TLE4: variants seen among roughly 807,000 people sequenced by gnomAD.
TLE4 encodes transducin-like enhancer protein 4.
Under a neutral mutation model 92.8 loss-of-function variants are expected in TLE4, and 8 were observed. That is an observed-to-expected ratio of 0.09 (90% CI 0.05 to 0.16). TLE4 has a LOEUF of 0.16. Among genes scored for constraint, TLE4 ranks in the 10% least tolerant of loss-of-function variants. TLE4 has a pLI of 1.00. For synonymous variants in TLE4, 371 were observed against 374.1 expected, an observed-to-expected ratio of 0.99 and a Z score of 0.10; for missense variants, 675 against 997.6, an observed-to-expected ratio of 0.68 and a Z score of 4.36.
intron 8 of TLE4, among the ~76,000 whole-genome samples, chr9:79,656,180 G>A (rs2059750974): frequency 6.6e-6 from 1 of 152,156 alleles, no homozygotes. Flanking sequence ...TTCTGAATGT[G>A]TTCTGTGATG....
chr9:79,614,467 A>G (rs1444499639), intron 5 of TLE4, among the ~76,000 whole-genome samples: 4 of 152,146 alleles, frequency 2.6e-5, no homozygotes, highest in Non-Finnish European at 5.9e-5. Context: ...TGGGAACAGA[A>G]TGTATAATGG....
At chr9:79,624,750 T>C (rs2052041814) in intron 5 of TLE4, among the ~76,000 whole-genome samples, 1 of 152,222 alleles carries the variant, frequency 6.6e-6, no homozygotes, top group Non-Finnish European at 1.5e-5. Flanking sequence ...ATCTAGTTCA[T>C]GAAGTAAGTG....
chr9:79,614,355 T>C (rs2049020468), intron 5 of TLE4, among the ~76,000 whole-genome samples: 2 of 152,150 alleles, frequency 1.3e-5, no homozygotes. Flanking sequence ...ATCTGTGGGT[T>C]GTGTTCAGAA....
chr9:79,620,912 A>G (rs1246984372), intron 5 of TLE4, among the ~76,000 whole-genome samples: 1 of 152,058 alleles, frequency 6.6e-6, no homozygotes, highest in Admixed American at 6.6e-5. Context: ...GGGAGGTGTC[A>G]TACACTTTTT....
At chr9:79,660,401 G>T (rs1231588611) in intron 8 of TLE4, among the ~76,000 whole-genome samples, 1 of 152,216 alleles carries the variant, frequency 6.6e-6, no homozygotes, top group Admixed American at 6.5e-5. Context: ...AAACACAGTG[G>T]TTAGAAGTGA....
chr9:79,593,099 A>G (rs1304975530), intron 4 of TLE4, among the ~76,000 whole-genome samples: 1 of 152,188 alleles, frequency 6.6e-6, no homozygotes, highest in Non-Finnish European at 1.5e-5. Flanking sequence ...TTGAATGAGA[A>G]CAGCAGTGAT....
chr9:79,632,198 C>T (rs1257653864), intron 6 of TLE4, among the ~76,000 whole-genome samples: 1 of 152,132 alleles, frequency 6.6e-6, no homozygotes, highest in Non-Finnish European at 1.5e-5. Flanking sequence ...GCAGGAATTA[C>T]AGCTGCATTG....
chr9:79,628,609 C>A (rs1348430112), intron 6 of TLE4, among the ~76,000 whole-genome samples: 1 of 151,172 alleles, frequency 6.6e-6, no homozygotes, highest in Non-Finnish European at 1.5e-5. Context: ...ACAAAAAAAA[C>A]CTGGTAGGAA....
chr9:79,652,519 C>G (rs1423437542), intron 6 of TLE4, 74 bp from the exon 7 acceptor site: 1 of 1,552,044 alleles, frequency 6.4e-7, no homozygotes, highest in Admixed American at 1.7e-5. Context: ...ATTTATGCCT[C>G]CTTTCTGTTT....
At chr9:79,592,183 C>CTCTTCCTCT (rs2042752742) in intron 4 of TLE4, among the ~76,000 whole-genome samples, 53 of 135,280 alleles carry the variant, frequency 3.9e-4, no homozygotes, top group African/African-American at 1.3e-3. Flanking sequence ...CTTCCTCTTC[C>CTCTTCCTCT]TCTTCTTCTT....
chr9:79,595,731 A>T (rs1048759677), intron 4 of TLE4, among the ~76,000 whole-genome samples: 3 of 152,200 alleles, frequency 2.0e-5, no homozygotes, highest in African/African-American at 7.2e-5. Flanking sequence ...GTAGCTTCTT[A>T]CAGAAGCTGT....
In TLE4 at chr9:79,704,152, C is replaced by T. The variant is rs577454038; in HGVS notation, c.610-631C>T. On this transcript the variant is annotated intron_variant, in intron 8 of 19. Coordinates refer to ENST00000376552, the MANE Select transcript of TLE4 (RefSeq NM_007005.6). ...TTTTTGAGACAGAGTTTCACTCTGT[C>T]GCCCAGGCTGGAATGCAGTGGCGCC... Among the ~76,000 whole-genome samples, 9 of 152,182 alleles carry T rather than the reference C, an allele frequency of 5.9e-5. 1 individual carries two copies. The highest frequency in any genetic ancestry group is 6.8e-3 in the Middle Eastern group (2 of 294).
At chr9:79,686,945 C>G (rs955823195) in intron 8 of TLE4, among the ~76,000 whole-genome samples, 2 of 152,284 alleles carry the variant, frequency 1.3e-5, no homozygotes, top group South Asian at 2.1e-4. Context: ...AGCCCCAGAA[C>G]TGTACATGTT....
In TLE4 at chr9:79,720,194, G is replaced by A. The variant is rs748076964; in HGVS notation, c.1739G>A (p.Cys580Tyr). The A allele has an allele frequency of 1.9e-6, 3 of 1,614,186 alleles. No homozygotes were observed. In the Admixed American group the frequency reaches 5.0e-5, roughly 27 times the overall value. The change falls in exon 16 of 20, where the codon TGC becomes TAC. Residue 580 changes from cysteine to tyrosine, a missense_variant. Cys to Tyr is a radical substitution (Grantham distance 194). This residue lies in a region of TLE4 where 170 missense variants were observed against 359.6 expected (regional missense o/e 0.47). Transcript: ENST00000376552. ...KAELTSSAPACYALAISPDSK... is the reference protein window; with the variant it reads ...KAELTSSAPAYYALAISPDSK... ...GAGCTGACATCCTCGGCCCCCGCCT[G>A]CTATGCCCTGGCCATCAGCCCCGAT...
At chr9:79,614,284 T>G (rs1017061795) in intron 5 of TLE4, among the ~76,000 whole-genome samples, 4 of 152,122 alleles carry the variant, frequency 2.6e-5, no homozygotes, top group Non-Finnish European at 4.4e-5. Context: ...TGGGCCTCTG[T>G]AGGCACAGAC....
chr9:79,648,957 G>A (rs189320416), intron 6 of TLE4, among the ~76,000 whole-genome samples: 1 of 152,264 alleles, frequency 6.6e-6, no homozygotes. Context: ...AAAAAATCAA[G>A]AAGGATATAC....
Position 79,657,959 on chromosome 9 carries a change from G to T in TLE4, c.609+3884G>T, listed in dbSNP as rs978823239. On this transcript the variant is annotated intron_variant, in intron 8 of 19. Transcript: ENST00000376552. Reference sequence around the variant, plus strand: ...ATCCTGAGTGCAATAGCCTTCTCAAGTCACATCTATGAGGGATTTGCCTTT... The same window carrying T: ...ATCCTGAGTGCAATAGCCTTCTCAATTCACATCTATGAGGGATTTGCCTTT... Among the ~76,000 whole-genome samples the T allele has an allele frequency of 2.6e-5, 4 of 152,196 alleles. No homozygotes were observed. In the South Asian group the frequency reaches 8.3e-4, roughly 31 times the overall value.
intron 8 of TLE4, among the ~76,000 whole-genome samples, chr9:79,658,075 T>C (rs951982744): frequency 8.5e-5 from 13 of 152,146 alleles, no homozygotes; most frequent in Admixed American, 6.5e-4. Flanking sequence ...TGGTGGTGTT[T>C]TTATTTTTGT....
At chr9:79,647,520 A>G (rs1439876119) in intron 6 of TLE4, among the ~76,000 whole-genome samples, 1 of 152,220 alleles carries the variant, frequency 6.6e-6, no homozygotes, top group Non-Finnish European at 1.5e-5. Context: ...TAAGATGTCC[A>G]GAATAGGCTT....
Sources: gnomAD v4.1 joint callset for allele counts (sites outside exome capture counted in the v4.1 genomes callset) on GRCh38, gnomAD v4.1.1 for gene constraint, gnomAD v4.1.1 regional missense constraint, MANE v1.5 for transcripts, NCBI Gene and HGNC (gene_info 2026-07-23, HGNC 2026-07-21) for gene names.